Variants in SOX5 observed in about 807,000 individuals in gnomAD.
SOX5 encodes transcription factor SOX-5.
SOX5 carries 9 observed loss-of-function variants against 92.0 expected under a neutral mutation model. The ratio of observed to expected loss-of-function variants is 0.10; its 90% CI spans 0.06 to 0.17. SOX5 has a LOEUF of 0.17. Among genes scored for constraint, SOX5 ranks in the 10% least tolerant of loss-of-function variants. The pLI, the probability that SOX5 is intolerant of heterozygous loss-of-function variation, is 1.00. For missense variants in SOX5, 642 were observed against 944.5 expected, an observed-to-expected ratio of 0.68 and a Z score of 4.20; for synonymous variants, 344 against 336.3, an observed-to-expected ratio of 1.02 and a Z score of -0.25.
rs563336206 is a variant in SOX5 at position 23,890,483 on chromosome 12, A to G, written c.270+5310T>C. Among the ~76,000 whole-genome samples, 16 of 152,298 alleles carry G rather than the reference A, an allele frequency of 1.1e-4. 1 individual carries two copies. The South Asian group carries it at 3.3e-3, about 32-fold the overall frequency. On this transcript the variant is annotated intron_variant, in intron 2 of 14. Coordinates refer to ENST00000451604, the MANE Select transcript of SOX5 (RefSeq NM_006940.6). Reference sequence around the variant, plus strand: ...ACTTTCATTTCACATCACATTTGACACTGGAACAACAATCTAACCAACAGA... The same window carrying G: ...ACTTTCATTTCACATCACATTTGACGCTGGAACAACAATCTAACCAACAGA...
intron 1 of SOX5, among the ~76,000 whole-genome samples, chr12:24,444,674 T>G (rs1941192697): frequency 6.6e-6 from 1 of 152,074 alleles, no homozygotes; most frequent in African/African-American, 2.4e-5. Context: ...GGAAGCCGCC[T>G]CATCCAAAAC....
At chr12:24,320,871 A>ATAAT (rs1555228063) in intron 2 of SOX5, among the ~76,000 whole-genome samples, 18 of 148,224 alleles carry the variant, frequency 1.2e-4, no homozygotes, top group African/African-American at 4.2e-4. Flanking sequence ...TCTCAAAAAA[A>ATAAT]AATAATAATA....
chr12:24,409,082 C>T (rs537367854), intron 1 of SOX5, among the ~76,000 whole-genome samples: 2 of 152,278 alleles, frequency 1.3e-5, no homozygotes, highest in East Asian at 1.9e-4. Context: ...ACCCAAATGC[C>T]CATCAATGAT....
At chr12:23,809,743 C>T (rs1305189810) in intron 3 of SOX5, among the ~76,000 whole-genome samples, 2 of 142,240 alleles carry the variant, frequency 1.4e-5, no homozygotes, top group Non-Finnish European at 3.0e-5. Context: ...ATGGTTACAT[C>T]AGTGACAAAT....
chr12:23,855,093 G>T (rs1209472434), intron 2 of SOX5, among the ~76,000 whole-genome samples: 3 of 151,736 alleles, frequency 2.0e-5, no homozygotes, highest in Admixed American at 6.6e-5. Context: ...GAAAAGCAAA[G>T]AAAAAACATA....
intron 2 of SOX5, among the ~76,000 whole-genome samples, chr12:24,289,819 G>A (rs2140496306): frequency 6.6e-6 from 1 of 152,298 alleles, no homozygotes. Context: ...CAAAAGGCAG[G>A]TTTGTTTACC....
intron 2 of SOX5, among the ~76,000 whole-genome samples, chr12:23,884,183 C>T (rs1426207621): frequency 6.6e-6 from 1 of 152,160 alleles, no homozygotes; most frequent in East Asian, 1.9e-4. Flanking sequence ...TACGCACCCT[C>T]TAGGTTAGAT....
intron 2 of SOX5, among the ~76,000 whole-genome samples, chr12:24,340,571 T>C (rs1317299085): frequency 1.3e-5 from 2 of 152,224 alleles, no homozygotes; most frequent in East Asian, 1.9e-4. Context: ...TGGGCTTGTC[T>C]GATCTCTACA....
At chr12:23,589,190 T>A (rs796638198) in intron 9 of SOX5, among the ~76,000 whole-genome samples, 1 of 151,172 alleles carries the variant, frequency 6.6e-6, no homozygotes, top group African/African-American at 2.4e-5. Flanking sequence ...TTGAGATAAT[T>A]TTTTTTTTGC....
At chr12:24,212,548 T>C in intron 4 of SOX5, 2 of 522,248 alleles carry the variant, frequency 3.8e-6, no homozygotes, top group Non-Finnish European at 7.8e-6. Context: ...CCACCAAGTC[T>C]TCACTCATAA....
At chr12:24,352,277 G>A (rs148712869) in intron 2 of SOX5, among the ~76,000 whole-genome samples, 8 of 152,282 alleles carry the variant, frequency 5.3e-5, no homozygotes, top group South Asian at 4.1e-4. Context: ...TGGAAATAAC[G>A]AGTTCTCTCT....
In SOX5 at chr12:24,294,229, ATTACATCTGTCACTTCCCCTGTT is replaced by A. The variant is rs376697032; in HGVS notation, c.-173-16940_-173-16918del. On this transcript the variant is annotated intron_variant, in intron 2 of 4. Transcript: ENST00000446891. ...TTGTAGGACAGGCCTTGAGACTTTC[ATTACATCTGTCACTTCCCCTGTT>A]TACAGCTGCCTCATCAGTAACTCAT... 6.6e-3 allele frequency among the ~76,000 whole-genome samples: 1,007 copies of A among 151,610 alleles called. 9 individuals are homozygous for A. The highest frequency in any genetic ancestry group is 0.022 in the African/African-American group (922 of 41,328).
chr12:24,266,724 C>T (rs560538667), intron 3 of SOX5, among the ~76,000 whole-genome samples: 1 of 152,250 alleles, frequency 6.6e-6, no homozygotes, highest in Admixed American at 6.5e-5. Context: ...CAATAGTTGA[C>T]CAGTTTTAAC....
At chr12:24,451,874 G>A (rs187788735) in intron 1 of SOX5, among the ~76,000 whole-genome samples, 1 of 152,302 alleles carries the variant, frequency 6.6e-6, no homozygotes, top group Non-Finnish European at 1.5e-5. Flanking sequence ...AATTATAGAT[G>A]CCATTAGAAA....
At chr12:24,463,171 C>G (rs1596971094) in intron 1 of SOX5, among the ~76,000 whole-genome samples, 1 of 151,760 alleles carries the variant, frequency 6.6e-6, no homozygotes, top group African/African-American at 2.4e-5. Flanking sequence ...CATGCCACTT[C>G]ACTCCAGCCT....
chr12:23,739,437 T>C (rs1375760997), intron 5 of SOX5, among the ~76,000 whole-genome samples: 1 of 152,188 alleles, frequency 6.6e-6, no homozygotes, highest in African/African-American at 2.4e-5. Context: ...AATGAGAATC[T>C]AAATGAAAAA....
chr12:24,415,014 A>T (rs988228785), intron 1 of SOX5, among the ~76,000 whole-genome samples: 2 of 152,218 alleles, frequency 1.3e-5, no homozygotes, highest in African/African-American at 4.8e-5. Context: ...AGGGAAAGAC[A>T]TGTAAAAGCC....
chr12:24,191,361 G>A (rs1338237434), intron 4 of SOX5, among the ~76,000 whole-genome samples: 3 of 152,134 alleles, frequency 2.0e-5, no homozygotes, highest in Non-Finnish European at 4.4e-5. Context: ...TTGGTTATCG[G>A]GTCTTTAATC....
intron 4 of SOX5, among the ~76,000 whole-genome samples, chr12:24,009,819 G>T (rs1382944444): frequency 6.6e-6 from 1 of 151,974 alleles, no homozygotes; most frequent in African/African-American, 2.4e-5. Context: ...AATGGTATTG[G>T]GTTCCCACCC....
Sources: allele counts gnomAD v4.1 joint callset (sites outside exome capture counted in the v4.1 genomes callset), GRCh38; gene constraint gnomAD v4.1.1; transcripts MANE v1.5; gene names NCBI Gene and HGNC (gene_info 2026-07-23, HGNC 2026-07-21).